CRISPLD2: variants seen among roughly 807,000 people sequenced by gnomAD.
CRISPLD2 encodes the protein cysteine-rich secretory protein LCCL domain-containing 2.
A neutral mutation model predicts 71.1 loss-of-function variants in CRISPLD2; 47 were observed. The ratio of observed to expected loss-of-function variants is 0.66; its 90% CI spans 0.52 to 0.84. The LOEUF (loss-of-function observed/expected upper bound fraction) is 0.84, where lower values mean the gene tolerates loss of function less well. Ranked by LOEUF, CRISPLD2 falls within the 40% of genes least tolerant of loss-of-function variation. CRISPLD2 has a pLI of 0.00. For missense variants in CRISPLD2, 830 were observed against 651.1 expected (o/e 1.27, Z -2.99); for synonymous variants, 317 against 250.1 (o/e 1.27, Z -2.52).
At chr16:84,863,973 AAAG>A (rs1294130015) in intron 6 of CRISPLD2, among the ~76,000 whole-genome samples, 95 of 147,034 alleles carry the variant, frequency 6.5e-4, no homozygotes, top group Admixed American at 6.1e-4. Flanking sequence ...AAAAAAAAAA[AAAG>A]AAAGAAAGAG....
rs930366695 is a variant in CRISPLD2 at position 84,834,529 on chromosome 16, C to T, written c.-74-3893C>T. Among the ~76,000 whole-genome samples, 60 of 152,344 alleles carry T rather than the reference C, an allele frequency of 3.9e-4. 3 individuals are homozygous for T. The highest frequency in any genetic ancestry group is 5.2e-4 in the Admixed American group (8 of 15,312). On this transcript the variant is annotated intron_variant, in intron 1 of 14. Coordinates refer to ENST00000262424, the MANE Select transcript of CRISPLD2 (RefSeq NM_031476.4). Reference sequence around the variant, plus strand: ...GCACCAACCAGGTTCCAGCCAGGACCCTGGCCTGGCCTCCTAACGTGCCTG... The same window carrying T: ...GCACCAACCAGGTTCCAGCCAGGACTCTGGCCTGGCCTCCTAACGTGCCTG...
chr16:84,889,427 T>A, intron 14 of CRISPLD2, 64 bp downstream of exon 14: 1 of 1,540,682 alleles, frequency 6.5e-7, no homozygotes, highest in Non-Finnish European at 8.8e-7. Context: ...TCAGGGGGCC[T>A]GGGAAGAGGC....
At chr16:84,905,746 G>A (rs1037516393) in intron 14 of CRISPLD2, among the ~76,000 whole-genome samples, 1 of 97,760 alleles carries the variant, frequency 1.0e-5, no homozygotes, top group African/African-American at 4.1e-5. Flanking sequence ...TCTTACTCTT[G>A]TCCCCCAGGC....
Position 84,858,803 on chromosome 16 carries a change from G to A in CRISPLD2, c.709+3974G>A, listed in dbSNP as rs535777411. 5.3e-5 allele frequency among the ~76,000 whole-genome samples: 8 copies of A among 152,336 alleles called. No homozygotes were observed. In the East Asian group the frequency reaches 1.2e-3, roughly 22 times the overall value. The stretch of plus-strand genomic sequence containing the variant: ...TCTTACGGACGTGAATGGAGAAAAA[G>A]GCATTTTCCAAGTCAGTGGCTGCAT... On this transcript the variant is annotated intron_variant, in intron 6 of 14. Transcript: ENST00000262424.
rs185246406 is a variant in CRISPLD2, at chr16:84,844,017, C to T, written c.241-1769C>T. On this transcript the variant is annotated intron_variant, in intron 2 of 14. Transcript: ENST00000262424. Reference sequence around the variant, plus strand: ...CTTCCCTGAGCATCTGCTGTGTGCCCGGGGCTGGGTGTGCAGAGGGCAGGA... The same window carrying T: ...CTTCCCTGAGCATCTGCTGTGTGCCTGGGGCTGGGTGTGCAGAGGGCAGGA... Among the ~76,000 whole-genome samples, 348 of 152,290 alleles carry T rather than the reference C, an allele frequency of 2.3e-3. 1 individual carries two copies. The highest frequency in any genetic ancestry group is 7.8e-3 in the African/African-American group (325 of 41,566).
At chr16:84,831,283 T>A (rs1019120215) in intron 1 of CRISPLD2, among the ~76,000 whole-genome samples, 2 of 152,174 alleles carry the variant, frequency 1.3e-5, no homozygotes, top group Non-Finnish European at 2.9e-5. Context: ...CCCCCAGACC[T>A]GGCACATGAC....
intron 8 of CRISPLD2, among the ~76,000 whole-genome samples, chr16:84,871,906 G>A (rs1011977589): frequency 6.9e-6 from 1 of 144,432 alleles, no homozygotes; most frequent in Non-Finnish European, 1.5e-5. Flanking sequence ...AAAAGACTAT[G>A]GTTGACCTTC....
intron 14 of CRISPLD2, among the ~76,000 whole-genome samples, chr16:84,894,550 A>G (rs1211602754): frequency 6.6e-6 from 1 of 152,148 alleles, no homozygotes; most frequent in Non-Finnish European, 1.5e-5. Context: ...CTGTCCTCAT[A>G]GGGGTGTGGT....
At chr16:84,830,482 T>C (rs1034372536) in intron 1 of CRISPLD2, among the ~76,000 whole-genome samples, 141 of 152,102 alleles carry the variant, frequency 9.3e-4, no homozygotes, top group African/African-American at 3.4e-3. Context: ...GGCGGGTGGA[T>C]TGCCTGAGGT....
At chr16:84,867,529 G>C (rs921480459) in intron 7 of CRISPLD2, among the ~76,000 whole-genome samples, 2 of 152,228 alleles carry the variant, frequency 1.3e-5, no homozygotes, top group Non-Finnish European at 2.9e-5. Flanking sequence ...CCCAGTGCCA[G>C]CTGAGGTCTC....
chr16:84,888,830 G>A (rs2071635905), intron 13 of CRISPLD2, among the ~76,000 whole-genome samples: 1 of 152,122 alleles, frequency 6.6e-6, no homozygotes, highest in Admixed American at 6.5e-5. Flanking sequence ...AAACAATTCT[G>A]AAGTAGCCCC....
At chr16:84,858,291 G>A (rs900806123) in intron 6 of CRISPLD2, among the ~76,000 whole-genome samples, 2 of 152,260 alleles carry the variant, frequency 1.3e-5, no homozygotes, top group Admixed American at 1.3e-4. Context: ...ACTCAAAACT[G>A]GCAGCCTTTT....
chr16:84,891,921 C>T (rs926625429), intron 14 of CRISPLD2, among the ~76,000 whole-genome samples: 10 of 152,224 alleles, frequency 6.6e-5, no homozygotes, highest in Non-Finnish European at 1.3e-4. Flanking sequence ...AGGCATCCCT[C>T]CCAAGCACAC....
chr16:84,840,018 C>CAA (rs5818511), intron 2 of CRISPLD2: 2,866 of 134,560 alleles, frequency 0.021, 89 homozygotes, highest in African/African-American at 0.071. Context: ...GACCCTGTCT[C>CAA]AAAAAAAAAA....
intron 6 of CRISPLD2, among the ~76,000 whole-genome samples, chr16:84,856,234 A>G (rs762729705): frequency 2.6e-5 from 4 of 152,224 alleles, no homozygotes; most frequent in Non-Finnish European, 4.4e-5. Flanking sequence ...ATCACAGGGC[A>G]TGGTAATACT....
intron 14 of CRISPLD2, among the ~76,000 whole-genome samples, chr16:84,889,610 A>G (rs1010522899): frequency 6.6e-6 from 1 of 151,314 alleles, no homozygotes; most frequent in African/African-American, 2.4e-5. Context: ...TTTTTTTCCT[A>G]TTACCAATGG....
At chr16:84,902,764 GC>G (rs1195605028) in intron 14 of CRISPLD2, among the ~76,000 whole-genome samples, 1 of 137,446 alleles carries the variant, frequency 7.3e-6, no homozygotes, top group Non-Finnish European at 1.5e-5. Context: ...TGGAAAATCG[GC>G]CCATTGCTTT....
At chr16:84,842,309 T>TGCCC (rs1189518927) in intron 2 of CRISPLD2, 1 of 86,896 alleles carries the variant, frequency 1.2e-5, no homozygotes, top group African/African-American at 4.9e-5. Flanking sequence ...CCTGCCTGCC[T>TGCCC]GCCCGCCCTC....
intron 1 of CRISPLD2, among the ~76,000 whole-genome samples, chr16:84,825,434 G>A (rs967368636): frequency 2.6e-5 from 4 of 152,112 alleles, no homozygotes; most frequent in Admixed American, 2.0e-4. Flanking sequence ...TCCTCTCAGT[G>A]TGTCTTGTCC....
Sources: gnomAD v4.1 joint callset for allele counts (sites outside exome capture counted in the v4.1 genomes callset) on GRCh38, gnomAD v4.1.1 for gene constraint, MANE v1.5 for transcripts, NCBI Gene and HGNC (gene_info 2026-07-23, HGNC 2026-07-21) for gene names.